LNPEP: variants seen among roughly 807,000 people sequenced by gnomAD.
LNPEP encodes the protein leucyl and cystinyl aminopeptidase.
In LNPEP, 64 loss-of-function variants were observed where a neutral mutation model predicts 120.6. That is an observed-to-expected ratio of 0.53 (90% CI 0.43 to 0.65). LNPEP has a LOEUF of 0.65. Ranked by LOEUF, LNPEP falls within the 30% of genes least tolerant of loss-of-function variation. LNPEP has a pLI of 0.00. For missense variants in LNPEP, 1,057 were observed against 1,200.0 expected (o/e 0.88, Z 1.76); for synonymous variants, 435 against 425.4 (o/e 1.02, Z -0.28).
At chr5:97,006,392 T>G in intron 10 of LNPEP, 35 bp from the exon 11 acceptor site, 1 of 1,321,064 alleles carries the variant, frequency 7.6e-7, no homozygotes, top group Non-Finnish European at 1.1e-6. Context: ...AAAAAAATCA[T>G]ATGTAACTAA....
In LNPEP at chr5:96,941,911, G is replaced by A. The variant is rs141921889; in HGVS notation, c.19+5737G>A. 1.2e-3 allele frequency among the ~76,000 whole-genome samples: 190 copies of A among 152,328 alleles called. 1 individual carries two copies. The highest frequency in any genetic ancestry group is 4.5e-3 in the African/African-American group (186 of 41,562). ...AGGCAGAGATTTTAAAAATGGTCAT[G>A]CCTTGATCCTTGCAAGTCTTTGGTT... On this transcript the variant is annotated intron_variant, in intron 1 of 17. Transcript: ENST00000231368.
intron 13 of LNPEP, 104 bp downstream of exon 13, chr5:97,015,199 C>T: frequency 1.5e-6 from 1 of 650,910 alleles, no homozygotes; most frequent in Non-Finnish European, 2.4e-6. Context: ...CAGTTAAATT[C>T]CATTTTCTTC....
At chr5:96,967,082 A>G (rs1191711839) in intron 1 of LNPEP, among the ~76,000 whole-genome samples, 1 of 152,102 alleles carries the variant, frequency 6.6e-6, no homozygotes, top group Admixed American at 6.6e-5. Flanking sequence ...AACTTTAGAT[A>G]TTATCTGTTT....
intron 1 of LNPEP, among the ~76,000 whole-genome samples, chr5:96,952,724 AT>A: frequency 6.6e-6 from 1 of 151,980 alleles, no homozygotes; most frequent in Middle Eastern, 3.4e-3. Context: ...TTTTATCCCC[AT>A]TTTTTTTGTT....
At chr5:97,016,800 G>A (rs1420524148) in intron 13 of LNPEP, among the ~76,000 whole-genome samples, 1 of 152,090 alleles carries the variant, frequency 6.6e-6, no homozygotes, top group African/African-American at 2.4e-5. Flanking sequence ...CAAGAAGTAT[G>A]CAAATAGCTT....
intron 14 of LNPEP, among the ~76,000 whole-genome samples, chr5:97,023,457 T>C (rs1283869878): frequency 6.6e-6 from 1 of 152,166 alleles, no homozygotes; most frequent in Non-Finnish European, 1.5e-5. Context: ...TTTCACCATG[T>C]TAGCCAGGCT....
chr5:97,028,382 C>A lies in LNPEP; in HGVS notation c.2947-20C>A, dbSNP rs755289604. On this transcript the variant is annotated intron_variant, in intron 17 of 17. Transcript: ENST00000231368. ...ATCGTCCTTTTCTTCTTTTGAAATT[C>A]TTCTGTGTGAAACTTACAGGTTCAG... 3 of 1,612,272 alleles carry A rather than the reference C, an allele frequency of 1.9e-6. No individual in the cohort carries two copies. Among genetic ancestry groups the A allele is most frequent in the East Asian group, 4.5e-5 (2 of 44,856 alleles).
chr5:97,030,642 G>C lies in LNPEP; in HGVS notation c.*2109G>C, dbSNP rs868050855. On this transcript the variant is annotated 3_prime_UTR_variant, in exon 18 of 18. Coordinates refer to ENST00000231368, the MANE Select transcript of LNPEP (RefSeq NM_005575.3). ...TCTCTGTGTGTGTGTGTGTGTGTGT[G>C]TGTGTGTGTGTGTGTGTGTGTGTGT... 7.6e-3 allele frequency: 1,145 copies of C among 150,658 alleles called. 10 individuals are homozygous for C. Among genetic ancestry groups the C allele is most frequent in the African/African-American group, 0.026 (1,069 of 40,688 alleles). 9.3% of individuals were successfully genotyped at this position (150,658 alleles called of 1,614,324 possible).
At chr5:96,993,755 A>G in intron 5 of LNPEP, 62 bp from the exon 6 acceptor site, 1 of 1,445,616 alleles carries the variant, frequency 6.9e-7, no homozygotes, top group Non-Finnish European at 9.6e-7. Flanking sequence ...TGAATAAAAT[A>G]CTTTGAGTAG....
intron 4 of LNPEP, 81 bp from the exon 5 acceptor site, chr5:96,992,934 G>T: frequency 1.0e-6 from 1 of 966,306 alleles, no homozygotes; most frequent in Non-Finnish European, 1.5e-6. Flanking sequence ...TTTCAGATAT[G>T]CTAGTCTTGA....
intron 5 of LNPEP, among the ~76,000 whole-genome samples, chr5:96,993,361 T>C (rs865980544): frequency 3.3e-5 from 5 of 152,316 alleles, no homozygotes; most frequent in African/African-American, 1.2e-4. Context: ...AAAAAGGTGC[T>C]GTATAAGTGG....
intron 2 of LNPEP, among the ~76,000 whole-genome samples, chr5:96,980,258 G>A (rs139811813): frequency 3.3e-5 from 5 of 152,216 alleles, no homozygotes; most frequent in Admixed American, 2.0e-4. Flanking sequence ...CATTTTTAAG[G>A]TGAATCTAGT....
At chr5:96,962,949 A>G (rs1789640795) in intron 1 of LNPEP, among the ~76,000 whole-genome samples, 1 of 152,132 alleles carries the variant, frequency 6.6e-6, no homozygotes, top group African/African-American at 2.4e-5. Flanking sequence ...AGAGCTTCCT[A>G]TGAAGTCACG....
At position 97,015,044 on chromosome 5, in the gene LNPEP, C is replaced by T; in HGVS notation, c.2325C>T (p.Ile775=). The T allele has an allele frequency of 6.3e-7, 1 of 1,597,554 alleles. No individual in the cohort carries two copies. The highest frequency in any genetic ancestry group is 1.2e-5 in the South Asian group (1 of 86,598). Residue 775 remains isoleucine, a synonymous_variant, in exon 13 of 18, where the codon ATC becomes ATT. Transcript: ENST00000231368. ...ITEALFQTDL[I]YNLLEKLGYM... ...AAGCCCTGTTTCAGACAGACCTCAT[C>T]TATAACCTCCTTGAAAAACTGGGAT...
chr5:97,015,132 CT>C, intron 13 of LNPEP, 37 bp downstream of exon 13: 2 of 1,452,946 alleles, frequency 1.4e-6, no homozygotes, highest in Non-Finnish European at 1.8e-6. Context: ...TGCTGTTTAT[CT>C]TTAATATTGT....
At chr5:96,997,468 T>C (rs1790541202) in intron 7 of LNPEP, among the ~76,000 whole-genome samples, 1 of 152,122 alleles carries the variant, frequency 6.6e-6, no homozygotes, top group Non-Finnish European at 1.5e-5. Context: ...GCCCAGAATG[T>C]GTAAAAAGGT....
At chr5:96,947,886 A>G (rs1461069935) in intron 1 of LNPEP, among the ~76,000 whole-genome samples, 2 of 152,174 alleles carry the variant, frequency 1.3e-5, no homozygotes, top group African/African-American at 2.4e-5. Flanking sequence ...ATAGGATTCA[A>G]ATCTACCTAA....
Position 96,986,634 on chromosome 5 carries a change from G to C in LNPEP, c.1095G>C (p.Glu365Asp). The part of the protein sequence containing the change: ...STYLVAFIVG[E>D]MKNLSQDVNG... ...ACTTGGTTGCTTTCATTGTGGGAGAGATGAAGAACCTGAGTCAGGACGTAA... is the reference window on the plus strand; with the variant it reads ...ACTTGGTTGCTTTCATTGTGGGAGACATGAAGAACCTGAGTCAGGACGTAA... Residue 365 changes from glutamate to aspartate, a missense_variant, in exon 4 of 18, where the codon GAG (glutamate) becomes GAC (aspartate). Transcript: ENST00000231368. 6.2e-7 allele frequency: 1 copy of C among 1,613,642 alleles called. No individual in the cohort carries two copies. The highest frequency in any genetic ancestry group is 8.5e-7 in the Non-Finnish European group (1 of 1,179,688).
At chr5:97,022,205 A>G in intron 13 of LNPEP, 95 bp from the exon 14 acceptor site, 1 of 758,206 alleles carries the variant, frequency 1.3e-6, no homozygotes, top group Non-Finnish European at 2.1e-6. Flanking sequence ...CTGGGATTAC[A>G]GGCACGAGAC....
Sources: gnomAD v4.1 joint callset for allele counts (sites outside exome capture counted in the v4.1 genomes callset) on GRCh38, gnomAD v4.1.1 for gene constraint, MANE v1.5 for transcripts, NCBI Gene and HGNC (gene_info 2026-07-23, HGNC 2026-07-21) for gene names.